The following SPINK2 variants were observed in gnomAD, a reference collection of about 807,000 sequenced individuals.
The protein encoded by SPINK2 is serine protease inhibitor Kazal-type 2.
Under a neutral mutation model 13.5 loss-of-function variants are expected in SPINK2, and 8 were observed. The observed-to-expected ratio is 0.59, with a 90% CI of 0.35 to 1.07. The LOEUF is 1.07. SPINK2 is among the 50% of genes least tolerant of loss of function. SPINK2 has a pLI of 0.02. For missense variants in SPINK2, 148 were observed against 180.3 expected (o/e 0.82, Z 1.03); for synonymous variants, 76 against 74.7 (o/e 1.02, Z -0.09).
chr4:56,816,895 T>A (rs1217522159), intron 2 of SPINK2, among the ~76,000 whole-genome samples: 1 of 147,238 alleles, frequency 6.8e-6, no homozygotes. Context: ...AAAAATAAAA[T>A]AAAATAAAAA....
At chr4:56,812,916 G>A (rs1717117693) in intron 2 of SPINK2, among the ~76,000 whole-genome samples, 1 of 152,202 alleles carries the variant, frequency 6.6e-6, no homozygotes, top group Non-Finnish European at 1.5e-5. Flanking sequence ...CACCGCACAA[G>A]ATACTAACTA....
At chr4:56,812,750 G>C (rs985116436) in intron 2 of SPINK2, among the ~76,000 whole-genome samples, 1 of 151,904 alleles carries the variant, frequency 6.6e-6, no homozygotes, top group African/African-American at 2.4e-5. Context: ...TTAATGCCAA[G>C]ACAAAATCAG....
In SPINK2 at chr4:56,816,877, CA is replaced by C. The variant is rs779847429; in HGVS notation, c.249+3658del. 2.5e-3 allele frequency among the ~76,000 whole-genome samples: 363 copies of C among 143,580 alleles called. 1 individual carries two copies. The highest frequency in any genetic ancestry group is 8.5e-3 in the African/African-American group (338 of 39,670). The allele number at this position is 143,580 out of a possible 152,430, so 94.2% of individuals were successfully genotyped here. A position where few individuals can be genotyped will look rare whatever the true frequency, so the allele number is the denominator to read the frequency against. ...TGGATAACAGAGTGAGACACTGTCT[CA>C]AAAAAAAAAAATAAAATAAAATAAA... is the stretch of plus-strand genomic sequence containing the variant. On this transcript the variant is annotated intron_variant, in intron 2 of 3. Transcript: ENST00000506738.
At position 56,821,493 on chromosome 4, in the gene SPINK2, G is replaced by A. The variant is rs922116442; in HGVS notation, c.170C>T (p.Ala57Val). ...CTCTGGGGAACCGCCAGTAACGGGCGCGCGGGTACCGTCGCCGAGGCCGCC... is the reference window on the plus strand; with the variant it reads ...CTCTGGGGAACCGCCAGTAACGGGCACGCGGGTACCGTCGCCGAGGCCGCC... The part of the protein sequence containing the change: ...APGGLGDGTR[A>V]PVTGGSPEDL... The change falls in exon 1 of 4, where the codon GCG becomes GTG. Residue 57 changes from alanine (A) to valine (V), a missense_variant. Ala to Val is a moderately conservative substitution (Grantham distance 64, BLOSUM62 0). Coordinates refer to ENST00000506738, the MANE Select transcript of SPINK2 (RefSeq NM_001271718.2). 13 of 1,535,694 alleles carry A rather than the reference G, an allele frequency of 8.5e-6. No homozygotes were observed. The African/African-American group carries it at 1.8e-4, about 21-fold the overall frequency.
intron 2 of SPINK2, among the ~76,000 whole-genome samples, chr4:56,817,219 A>G (rs1264276760): frequency 6.6e-6 from 1 of 152,140 alleles, no homozygotes; most frequent in East Asian, 1.9e-4. Flanking sequence ...AAAAACAAAA[A>G]CATTAGGAAT....
At position 56,810,102 on chromosome 4, in the gene SPINK2, G is replaced by T; in HGVS notation, c.*37C>A. 6.3e-7 allele frequency: 1 copy of T among 1,586,248 alleles called. No individual in the cohort carries two copies. Among genetic ancestry groups the T allele is most frequent in the East Asian group, 2.3e-5 (1 of 44,412 alleles). The stretch of plus-strand genomic sequence containing the variant: ...GCAATTTATCTAGTCTGCCAGTGAA[G>T]GTGGTCTCTCCATCTTCTTTTCTGT... On this transcript the variant is annotated 3_prime_UTR_variant, in exon 4 of 4. Transcript: ENST00000506738.
intron 2 of SPINK2, among the ~76,000 whole-genome samples, chr4:56,813,182 G>C (rs999750644): frequency 6.6e-6 from 1 of 152,050 alleles, no homozygotes; most frequent in African/African-American, 2.4e-5. Flanking sequence ...AATTAGCTGG[G>C]GGTGGTGGCG....
At chr4:56,815,927 G>A (rs1165909322) in intron 2 of SPINK2, among the ~76,000 whole-genome samples, 4 of 151,720 alleles carry the variant, frequency 2.6e-5, no homozygotes, top group Admixed American at 2.6e-4. Context: ...AACATAGCAA[G>A]ACCCCATCTC....
chr4:56,814,857 A>G (rs1369023852), intron 2 of SPINK2, among the ~76,000 whole-genome samples: 2 of 149,882 alleles, frequency 1.3e-5, no homozygotes, highest in Non-Finnish European at 3.0e-5. Flanking sequence ...GCTACTCGGG[A>G]GGCTGAGGCA....
Position 56,810,203 on chromosome 4 carries a change from T to A in SPINK2, c.360-19A>T, listed in dbSNP as rs146330907. The A allele has an allele frequency of 8.1e-6, 13 of 1,595,424 alleles. No homozygotes were observed. The highest frequency in any genetic ancestry group is 8.6e-6 in the Non-Finnish European group (10 of 1,166,926). The stretch of plus-strand genomic sequence containing the variant: ...ACCTTCCCTGCAAATTGAACAATCA[T>A]AGAAATACATTTATTACCTACCATA... On this transcript the variant is annotated intron_variant, in intron 3 of 3. Coordinates refer to ENST00000506738, the MANE Select transcript of SPINK2 (RefSeq NM_001271718.2).
At chr4:56,816,760 T>C (rs1473089535) in intron 2 of SPINK2, 2 of 149,190 alleles carry the variant, frequency 1.3e-5, no homozygotes, top group African/African-American at 4.9e-5. Flanking sequence ...GAACCTGTAA[T>C]CCAGCTACTT....
At chr4:56,820,937 T>C (rs1717888490) in intron 1 of SPINK2, among the ~76,000 whole-genome samples, 5 of 152,214 alleles carry the variant, frequency 3.3e-5, no homozygotes, top group Admixed American at 2.0e-4. Flanking sequence ...TAACATTTGG[T>C]TCTGTTCCCA....
chr4:56,810,026 T>G lies in SPINK2; in HGVS notation c.*113A>C, dbSNP rs933327795. On this transcript the variant is annotated 3_prime_UTR_variant, in exon 4 of 4. Transcript: ENST00000506738. ...TCCATACCTGCTCTCAGAAAATGTG[T>G]GTTAACAAATCTCATGTAAAGAAAC... 1.6e-5 allele frequency: 24 copies of G among 1,529,102 alleles called. No homozygotes were observed. Among genetic ancestry groups the G allele is most frequent in the Middle Eastern group, 3.4e-4 (2 of 5,946 alleles). 94.7% of individuals were successfully genotyped at this position (1,529,102 alleles called of 1,614,324 possible). A position where few individuals can be genotyped will look rare whatever the true frequency, so the allele number is the denominator to read the frequency against.
At chr4:56,819,954 G>A (rs766368417) in intron 2 of SPINK2, among the ~76,000 whole-genome samples, 13 of 152,084 alleles carry the variant, frequency 8.5e-5, no homozygotes, top group Non-Finnish European at 1.0e-4. Context: ...GACAGCTTCC[G>A]TAATTTCTGT....
In SPINK2 at chr4:56,821,677, G is replaced by A. The variant is rs971741121; in HGVS notation, c.-15C>T. 9 of 1,518,762 alleles carry A rather than the reference G, an allele frequency of 5.9e-6. No homozygotes were observed. The Admixed American group carries it at 1.3e-4, about 21-fold the overall frequency. 94.1% of individuals were successfully genotyped at this position (1,518,762 alleles called of 1,614,324 possible). A position where few individuals can be genotyped will look rare whatever the true frequency, so the allele number is the denominator to read the frequency against. On this transcript the variant is annotated 5_prime_UTR_variant, in exon 1 of 4. Transcript: ENST00000506738. ...GACAGCGCCATCCTCCTCCCGCGCCGGCTGTCTTGCCCCTGCGGTCTGTTA... is the reference window on the plus strand; with the variant it reads ...GACAGCGCCATCCTCCTCCCGCGCCAGCTGTCTTGCCCCTGCGGTCTGTTA...
At chr4:56,815,605 C>T (rs929670986) in intron 2 of SPINK2, among the ~76,000 whole-genome samples, 2 of 152,050 alleles carry the variant, frequency 1.3e-5, no homozygotes, top group African/African-American at 4.8e-5. Context: ...GAAGCTGAGG[C>T]AGGAGAATCG....
chr4:56,819,394 T>C lies in SPINK2; in HGVS notation c.249+1142A>G, dbSNP rs75686634. On this transcript the variant is annotated intron_variant, in intron 2 of 3. Transcript: ENST00000506738. ...ATTGTGAGAATTGAGAGACCAAATA[T>C]ACAGACAATGACTAGTCCTTATATA... is the stretch of plus-strand genomic sequence containing the variant. 3.8e-3 allele frequency among the ~76,000 whole-genome samples: 577 copies of C among 152,232 alleles called. 7 individuals carry two copies. The highest frequency in any genetic ancestry group is 0.013 in the African/African-American group (525 of 41,538).
chr4:56,813,388 C>T (rs1418862411), intron 2 of SPINK2, among the ~76,000 whole-genome samples: 1 of 152,058 alleles, frequency 6.6e-6, no homozygotes, highest in Non-Finnish European at 1.5e-5. Flanking sequence ...ATTCTCTGAC[C>T]TTTATACTCT....
chr4:56,814,457 C>T (rs1335049059), intron 2 of SPINK2, among the ~76,000 whole-genome samples: 1 of 151,956 alleles, frequency 6.6e-6, no homozygotes. Flanking sequence ...AAGTTGGATC[C>T]TGCCTATAAG....
Sources: gnomAD v4.1 joint callset for allele counts (sites outside exome capture counted in the v4.1 genomes callset) on GRCh38, gnomAD v4.1.1 for gene constraint, MANE v1.5 for transcripts, NCBI Gene and HGNC (gene_info 2026-07-23, HGNC 2026-07-21) for gene names.